STK32A: variants seen among roughly 807,000 people sequenced by gnomAD.
STK32A encodes the protein serine/threonine-protein kinase 32A.
In STK32A, 41 loss-of-function variants were observed where a neutral mutation model predicts 53.2. The ratio of observed to expected loss-of-function variants is 0.77; its 90% CI spans 0.60 to 1.00. The LOEUF is 1.00. Ranked by LOEUF, STK32A falls within the 50% of genes least tolerant of loss-of-function variation. The pLI, the probability that STK32A is intolerant of heterozygous loss-of-function variation, is 0.00. For synonymous variants in STK32A, 166 were observed against 162.8 expected (o/e 1.02, Z -0.15); for missense variants, 458 against 485.8 (o/e 0.94, Z 0.54).
intron 6 of STK32A, among the ~76,000 whole-genome samples, chr5:147,350,289 C>T (rs1032141822): frequency 1.3e-5 from 2 of 150,692 alleles, no homozygotes; most frequent in East Asian, 3.9e-4. Flanking sequence ...AAAAGGGATG[C>T]TTTCTTGGCT....
At chr5:147,381,222 C>T (rs1184476509) in intron 11 of STK32A, among the ~76,000 whole-genome samples, 2 of 152,148 alleles carry the variant, frequency 1.3e-5, no homozygotes, top group Admixed American at 6.6e-5. Context: ...TTGAATATAT[C>T]AGCCCACTGC....
chr5:147,324,154 A>G, intron 5 of STK32A, 83 bp downstream of exon 5: 1 of 1,319,096 alleles, frequency 7.6e-7, no homozygotes. Context: ...ATTCTTATTG[A>G]ACATGACATT....
intron 5 of STK32A, among the ~76,000 whole-genome samples, chr5:147,330,414 G>A (rs1754809958): frequency 6.6e-6 from 1 of 152,192 alleles, no homozygotes; most frequent in Non-Finnish European, 1.5e-5. Context: ...CATCACATCT[G>A]CCATGTAATG....
intron 6 of STK32A, among the ~76,000 whole-genome samples, chr5:147,345,405 C>A (rs1581120784): frequency 6.6e-6 from 1 of 152,142 alleles, no homozygotes; most frequent in East Asian, 1.9e-4. Flanking sequence ...TCATGGCTTT[C>A]TTTCCTTGGA....
chr5:147,257,498 C>G (rs1305024193), intron 2 of STK32A, among the ~76,000 whole-genome samples: 1 of 152,064 alleles, frequency 6.6e-6, no homozygotes, highest in East Asian at 1.9e-4. Flanking sequence ...AGCAATAGAG[C>G]CAGTAAAGAA....
intron 3 of STK32A, 86 bp from the exon 4 acceptor site, chr5:147,279,161 C>G: frequency 7.7e-7 from 1 of 1,304,428 alleles, no homozygotes; most frequent in East Asian, 2.5e-5. Context: ...ATCCAAGCCA[C>G]AGCAAAGAAC....
chr5:147,384,438 G>A lies in STK32A; in HGVS notation c.*455G>A, dbSNP rs752405153. 294 of 1,534,014 alleles carry A rather than the reference G, an allele frequency of 1.9e-4. No homozygotes were observed. Among genetic ancestry groups the A allele is most frequent in the Non-Finnish European group, 2.4e-4 (273 of 1,145,934 alleles). Reference sequence around the variant, plus strand: ...TTTCAGACCTCGAAAGTTTCATAAAGTGGTCAGAATGCCCCAGGCTACTTG... The same window carrying A: ...TTTCAGACCTCGAAAGTTTCATAAAATGGTCAGAATGCCCCAGGCTACTTG... On this transcript the variant is annotated 3_prime_UTR_variant, in exon 13 of 13. Transcript: ENST00000397936.
chr5:147,246,695 T>G (rs1753776571), intron 2 of STK32A, among the ~76,000 whole-genome samples: 1 of 152,218 alleles, frequency 6.6e-6, no homozygotes, highest in African/African-American at 2.4e-5. Flanking sequence ...AATTTTTACA[T>G]GTGAAATATT....
chr5:147,273,029 C>G (rs1655347605), intron 2 of STK32A, among the ~76,000 whole-genome samples: 1 of 152,074 alleles, frequency 6.6e-6, no homozygotes. Flanking sequence ...ATTTTTACCT[C>G]AAAAATAGAA....
At chr5:147,267,262 A>G (rs1754852300) in intron 2 of STK32A, among the ~76,000 whole-genome samples, 1 of 152,228 alleles carries the variant, frequency 6.6e-6, no homozygotes, top group Non-Finnish European at 1.5e-5. Context: ...TGAAACTCAC[A>G]GAGGGTAAAT....
chr5:147,258,108 A>G lies in STK32A; in HGVS notation c.52+18422A>G, dbSNP rs566466624. On this transcript the variant is annotated intron_variant, in intron 2 of 12. Transcript: ENST00000397936. The stretch of plus-strand genomic sequence containing the variant: ...AAAACTTTGTAGACATATTTATCCA[A>G]TTTTTAATGTCTGACCATAATGTAT... Among the ~76,000 whole-genome samples, 16 of 147,110 alleles carry G rather than the reference A, an allele frequency of 1.1e-4. 1 individual carries two copies. In the South Asian group the frequency reaches 3.2e-3, roughly 30 times the overall value.
At chr5:147,304,442 G>A (rs1753301912) in intron 4 of STK32A, among the ~76,000 whole-genome samples, 1 of 152,114 alleles carries the variant, frequency 6.6e-6, no homozygotes, top group Non-Finnish European at 1.5e-5. Context: ...TAGAGCTCTT[G>A]AATAGGCAGT....
intron 4 of STK32A, among the ~76,000 whole-genome samples, chr5:147,307,052 C>A (rs1156612355): frequency 2.0e-5 from 3 of 151,980 alleles, no homozygotes; most frequent in Admixed American, 2.0e-4. Context: ...AATAACCTAT[C>A]TTTTGTTTTT....
At chr5:147,239,092 A>G (rs1753453855) in intron 1 of STK32A, among the ~76,000 whole-genome samples, 1 of 152,196 alleles carries the variant, frequency 6.6e-6, no homozygotes, top group Non-Finnish European at 1.5e-5. Flanking sequence ...GTCAAGTCCA[A>G]CCCAGAACTT....
At chr5:147,255,158 A>C (rs115242641) in intron 2 of STK32A, among the ~76,000 whole-genome samples, 10,826 of 152,300 alleles carry the variant, frequency 0.071, 472 homozygotes, top group Non-Finnish European at 0.097. Context: ...AAAAAGTAGA[A>C]GGCAAAGAAT....
chr5:147,274,187 G>A (rs1384365595), intron 2 of STK32A, among the ~76,000 whole-genome samples: 5 of 152,190 alleles, frequency 3.3e-5, no homozygotes, highest in Non-Finnish European at 5.9e-5. Context: ...GGCTGTGAAG[G>A]CTGGGATGAA....
chr5:147,394,174 T>A, the STK32A span: 1 of 1,568,666 alleles, frequency 6.4e-7, no homozygotes, highest in Admixed American at 1.7e-5. Flanking sequence ...GAGTGGCGGG[T>A]AGGGGGATGT....
intron 6 of STK32A, among the ~76,000 whole-genome samples, chr5:147,348,531 G>A (rs2151992143): frequency 6.6e-6 from 1 of 152,310 alleles, no homozygotes; most frequent in Non-Finnish European, 1.5e-5. Flanking sequence ...GCACTACATT[G>A]TAGGAATCAA....
chr5:147,364,473 C>A (rs1350734824), intron 8 of STK32A, among the ~76,000 whole-genome samples: 1 of 152,148 alleles, frequency 6.6e-6, no homozygotes, highest in Non-Finnish European at 1.5e-5. Flanking sequence ...AAAGTCACTT[C>A]CACATTTTAA....
Sources: allele counts gnomAD v4.1 joint callset (sites outside exome capture counted in the v4.1 genomes callset), GRCh38; gene constraint gnomAD v4.1.1; transcripts MANE v1.5; gene names NCBI Gene and HGNC (gene_info 2026-07-23, HGNC 2026-07-21).